The following TENM4 variants were observed in gnomAD, a reference collection of about 807,000 sequenced individuals.
TENM4 encodes the protein teneurin-4.
TENM4 carries 82 observed loss-of-function variants against 243.3 expected under a neutral mutation model. That is an observed-to-expected ratio of 0.34 (90% CI 0.28 to 0.40). The LOEUF (loss-of-function observed/expected upper bound fraction) is 0.40. Among genes scored for constraint, TENM4 ranks in the 10% least tolerant of loss-of-function variants. The pLI, the probability that TENM4 is intolerant of heterozygous loss-of-function variation, is 1.00. For synonymous variants in TENM4, 1,412 were observed against 1,456.3 expected (o/e 0.97, Z 0.69); for missense variants, 3,138 against 3,673.3 (o/e 0.85, Z 3.77).
intron 1 of TENM4, among the ~76,000 whole-genome samples, chr11:79,376,822 T>C (rs1857901761): frequency 6.6e-6 from 1 of 152,140 alleles, no homozygotes. Context: ...CCACATGTAC[T>C]CTCAGAATCT....
chr11:78,677,799 T>C (rs542545229), intron 29 of TENM4, among the ~76,000 whole-genome samples: 18 of 151,036 alleles, frequency 1.2e-4, no homozygotes, highest in Non-Finnish European at 1.9e-4. Flanking sequence ...ATACTCTAAG[T>C]TTTAGGGTAC....
chr11:79,075,206 G>A (rs1436112803), intron 4 of TENM4, among the ~76,000 whole-genome samples: 2 of 152,204 alleles, frequency 1.3e-5, no homozygotes, highest in African/African-American at 2.4e-5. Context: ...TCTGTGAATC[G>A]GTCCCATTTT....
rs1196555052 is a variant in TENM4 at position 78,812,111 on chromosome 11, G to A, written c.1978+11C>T. 1.3e-6 allele frequency: 2 copies of A among 1,546,922 alleles called. No homozygotes were observed. Among genetic ancestry groups the A allele is most frequent in the African/African-American group, 1.4e-5 (1 of 72,952 alleles). ...GAGGAAGGTGCCGGAGCTGCCACCT[G>A]CAACTCTTACCTTCCTCACAGCTCT... On this transcript the variant is annotated intron_variant, in intron 14 of 33. Coordinates refer to ENST00000278550, the MANE Select transcript of TENM4 (RefSeq NM_001098816.3).
chr11:78,672,918 G>C (rs979486840), intron 30 of TENM4, among the ~76,000 whole-genome samples: 1 of 151,940 alleles, frequency 6.6e-6, no homozygotes, highest in African/African-American at 2.4e-5. Context: ...CCCCTGTCGG[G>C]TGTCTCCTGC....
At chr11:78,663,909 G>A (rs1039830539) in intron 32 of TENM4, among the ~76,000 whole-genome samples, 3 of 152,086 alleles carry the variant, frequency 2.0e-5, no homozygotes, top group Admixed American at 1.3e-4. Flanking sequence ...GGGTTGTCTG[G>A]GGCCCCCTCT....
intron 10 of TENM4, among the ~76,000 whole-genome samples, chr11:78,860,096 T>C (rs1458542618): frequency 6.6e-6 from 1 of 152,260 alleles, no homozygotes; most frequent in South Asian, 2.1e-4. Flanking sequence ...ATTTAATTCA[T>C]ATAAATAAGA....
intron 1 of TENM4, among the ~76,000 whole-genome samples, chr11:79,320,596 T>C (rs1290627709): frequency 6.6e-6 from 1 of 152,162 alleles, no homozygotes; most frequent in African/African-American, 2.4e-5. Flanking sequence ...TGCCAGTAAA[T>C]GGCAGAGCCA....
chr11:78,685,071 A>G (rs925187422), intron 29 of TENM4, among the ~76,000 whole-genome samples: 4 of 152,098 alleles, frequency 2.6e-5, no homozygotes, highest in Non-Finnish European at 5.9e-5. Flanking sequence ...ACATGCAAAA[A>G]TTCTAAAATC....
At chr11:79,366,604 A>C (rs1466345960) in intron 1 of TENM4, among the ~76,000 whole-genome samples, 1 of 152,184 alleles carries the variant, frequency 6.6e-6, no homozygotes, top group Non-Finnish European at 1.5e-5. Flanking sequence ...TGTAACCAAT[A>C]GGTAATTTTC....
intron 15 of TENM4, among the ~76,000 whole-genome samples, chr11:78,804,574 A>G (rs1857350133): frequency 6.6e-6 from 1 of 152,218 alleles, no homozygotes; most frequent in African/African-American, 2.4e-5. Flanking sequence ...TGTAAATCAT[A>G]GTGTTTTCAA....
chr11:79,339,475 C>T (rs577682100), intron 1 of TENM4, among the ~76,000 whole-genome samples: 3 of 152,306 alleles, frequency 2.0e-5, no homozygotes, highest in East Asian at 1.9e-4. Context: ...AGGTCAAGGG[C>T]GCCTGTGCAG....
intron 2 of TENM4, among the ~76,000 whole-genome samples, chr11:79,248,671 A>C (rs574889088): frequency 2.6e-5 from 4 of 152,360 alleles, no homozygotes; most frequent in African/African-American, 9.6e-5. Context: ...CTCCTCCTGC[A>C]TCTTCACAAG....
At chr11:79,069,662 A>T (rs1860354842) in intron 5 of TENM4, 60 bp downstream of exon 5, 6 of 1,500,904 alleles carry the variant, frequency 4.0e-6, no homozygotes, top group Non-Finnish European at 5.3e-6. Flanking sequence ...ACCCGAGCCC[A>T]TGCCTACCTG....
At chr11:79,075,564 A>C (rs530928282) in intron 4 of TENM4, among the ~76,000 whole-genome samples, 1 of 152,354 alleles carries the variant, frequency 6.6e-6, no homozygotes, top group Admixed American at 6.5e-5. Context: ...AACTACTTTA[A>C]ACCTAGACCA....
chr11:78,805,277 T>TACCCCCCCACCACACCCCCCC lies in TENM4; in HGVS notation c.2179+14_2179+15insGGGGGGGTGTGGTGGGGGGGT. On this transcript the variant is annotated intron_variant, in intron 15 of 33. Transcript: ENST00000278550. ...CCCCTCCCTCTACCCATGCTTCTTC[T>TACCCCCCCACCACACCCCCCC]CCCCCTGCATTTACCGATAGAACAG... 1 of 1,402,550 alleles carries TACCCCCCCACCACACCCCCCC rather than the reference T, an allele frequency of 7.1e-7. No homozygotes were observed. 86.9% of individuals were successfully genotyped at this position (1,402,550 alleles called of 1,614,324 possible).
Position 78,863,246 on chromosome 11 carries a change from A to G in TENM4, c.1085-114T>C, listed in dbSNP as rs958121971. The G allele has an allele frequency of 3.4e-6, 4 of 1,185,782 alleles. No homozygotes were observed. The South Asian group carries it at 8.1e-5, about 24-fold the overall frequency. 73.5% of individuals were successfully genotyped at this position (1,185,782 alleles called of 1,614,324 possible). A position where few individuals can be genotyped will look rare whatever the true frequency, so the allele number is the denominator to read the frequency against. On this transcript the variant is annotated intron_variant, in intron 9 of 33. Transcript: ENST00000278550. ...GGAACACAGGCATTCAGTTCAGTTCAACAAGTAGCCCCAAAAGGAAGCTCT... is the reference window on the plus strand; with the variant it reads ...GGAACACAGGCATTCAGTTCAGTTCGACAAGTAGCCCCAAAAGGAAGCTCT...
At chr11:78,950,390 G>A (rs1316874729) in intron 6 of TENM4, among the ~76,000 whole-genome samples, 1 of 152,154 alleles carries the variant, frequency 6.6e-6, no homozygotes, top group Non-Finnish European at 1.5e-5. Context: ...TGCAGGGCGG[G>A]GGGAGAATAA....
At chr11:79,282,027 G>T (rs1856165734) in intron 2 of TENM4, among the ~76,000 whole-genome samples, 1 of 152,184 alleles carries the variant, frequency 6.6e-6, no homozygotes, top group Admixed American at 6.5e-5. Flanking sequence ...ATTCCATGTG[G>T]ATCACATTTC....
intron 6 of TENM4, among the ~76,000 whole-genome samples, chr11:78,918,060 C>T (rs1488316984): frequency 1.3e-5 from 2 of 152,160 alleles, no homozygotes; most frequent in African/African-American, 4.8e-5. Flanking sequence ...TCCATGGCAA[C>T]TAAGTGCCAA....
Sources: allele counts gnomAD v4.1 joint callset (sites outside exome capture counted in the v4.1 genomes callset), GRCh38; gene constraint gnomAD v4.1.1; transcripts MANE v1.5; gene names NCBI Gene and HGNC (gene_info 2026-07-23, HGNC 2026-07-21).